The following HECTD4 variants were observed in gnomAD, a reference collection of about 807,000 sequenced individuals.
The protein encoded by HECTD4 is probable E3 ubiquitin-protein ligase HECTD4.
Under a neutral mutation model 471.5 loss-of-function variants are expected in HECTD4, and 114 were observed. The observed-to-expected ratio is 0.24, with a 90% CI of 0.21 to 0.28. The LOEUF (loss-of-function observed/expected upper bound fraction) is 0.28. HECTD4 is among the 10% of genes least tolerant of loss of function. The probability of loss-of-function intolerance (pLI) is 1.00; values close to 1 mark genes in which losing one functional copy is unlikely to be tolerated. For synonymous variants in HECTD4, 2,012 were observed against 2,256.0 expected (o/e 0.89, Z 3.07); for missense variants, 3,866 against 5,651.5 (o/e 0.68, Z 10.13).
intron 59 of HECTD4, 24 bp from the exon 60 acceptor site, chr12:112,190,989 A>G: frequency 1.3e-6 from 2 of 1,533,142 alleles, no homozygotes; most frequent in Non-Finnish European, 1.8e-6. Flanking sequence ...CCAGGAAGAA[A>G]GCAGATGATT....
chr12:112,197,050 C>A (rs1484361117), intron 55 of HECTD4, among the ~76,000 whole-genome samples: 1 of 152,140 alleles, frequency 6.6e-6, no homozygotes, highest in Admixed American at 6.5e-5. Context: ...CCCACCTCGG[C>A]CTCCCAAAGT....
chr12:112,356,607 T>A (rs1372026031), intron 1 of HECTD4, among the ~76,000 whole-genome samples: 1 of 152,016 alleles, frequency 6.6e-6, no homozygotes, highest in Non-Finnish European at 1.5e-5. Flanking sequence ...CCCAGCTAAT[T>A]TTTGTATTTT....
Position 112,167,451 on chromosome 12 carries a change from G to A in HECTD4, c.12400C>T (p.Arg4134Trp). ...TCCAGGGGCAGCGGGACGTCTGCCCGAATTGCAATCCCCAGCAGCTGCCCC... is the reference window on the plus strand; with the variant it reads ...TCCAGGGGCAGCGGGACGTCTGCCCAAATTGCAATCCCCAGCAGCTGCCCC... ...FLGQLLGIAI[R>W]ADVPLPLDLL... Residue 4134 changes from arginine (R) to tryptophan (W), a missense_variant, in exon 72 of 76, where the codon CGG becomes TGG. Physicochemically the swap from Arg to Trp is moderately radical, Grantham distance 101. Around this residue, in one of 16 missense-constraint regions of HECTD4, gnomAD observed 715 missense variants for 1,087.6 expected, o/e 0.66. Transcript: ENST00000682272. 6.2e-7 allele frequency: 1 copy of A among 1,613,440 alleles called. No individual in the cohort carries two copies. Among genetic ancestry groups the A allele is most frequent in the Non-Finnish European group, 8.5e-7 (1 of 1,179,672 alleles).
chr12:112,278,888 G>A (rs769475645), intron 9 of HECTD4, among the ~76,000 whole-genome samples: 7 of 152,000 alleles, frequency 4.6e-5, no homozygotes, highest in Admixed American at 6.6e-5. Context: ...GCAAGACTCC[G>A]TCTAAAAAAA....
intron 1 of HECTD4, among the ~76,000 whole-genome samples, chr12:112,346,806 C>T (rs546717995): frequency 6.6e-6 from 1 of 152,264 alleles, no homozygotes; most frequent in Non-Finnish European, 1.5e-5. Flanking sequence ...TTTGATTGCT[C>T]TCCTTTTTTA....
At chr12:112,334,810 C>CA (rs201647877) in intron 1 of HECTD4, among the ~76,000 whole-genome samples, 1,033 of 67,252 alleles carry the variant, frequency 0.015, 9 homozygotes, top group African/African-American at 0.04. Flanking sequence ...AACTCTATCT[C>CA]AAAAAAAAAA....
rs758979181 is a variant in HECTD4, at chr12:112,256,389, A to G, written c.3258T>C (p.His1086=). 15 of 1,612,990 alleles carry G rather than the reference A, an allele frequency of 9.3e-6. No individual in the cohort carries two copies. In the African/African-American group the frequency reaches 1.7e-4, roughly 19 times the overall value. The change falls in exon 21 of 76, where the codon CAT becomes CAC. Residue 1086 remains histidine, a synonymous_variant. Coordinates refer to ENST00000682272, the MANE Select transcript of HECTD4 (RefSeq NM_001388303.1). ...RDNYKFKETV[H]IPGARCLYLR... ...GGTACAGGCAGCGAGCTCCTGGGATATGGACCGTTTCTTTAAATTTATAGT... is the reference window on the plus strand; with the variant it reads ...GGTACAGGCAGCGAGCTCCTGGGATGTGGACCGTTTCTTTAAATTTATAGT...
At position 112,193,682 on chromosome 12, in the gene HECTD4, C is replaced by T. The variant is rs138993374; in HGVS notation, c.8750-8G>A. 5.2e-4 allele frequency: 838 copies of T among 1,607,026 alleles called. 9 individuals are homozygous for T. The East Asian group carries it at 0.014, about 28-fold the overall frequency. ...TGGAGCTGATGGTGCCGTCTGGGGACGGAAAGGAAACAGAAGTTGACAAGA... is the reference window on the plus strand; with the variant it reads ...TGGAGCTGATGGTGCCGTCTGGGGATGGAAAGGAAACAGAAGTTGACAAGA... On this transcript the variant is annotated splice_polypyrimidine_tract_variant and splice_region_variant and intron_variant, in intron 56 of 75. Coordinates refer to ENST00000682272, the MANE Select transcript of HECTD4 (RefSeq NM_001388303.1). This position sits in a 1 kb window ranked among gnomAD's most constrained non-coding sequence, Gnocchi z 5.2.
intron 17 of HECTD4, among the ~76,000 whole-genome samples, chr12:112,263,584 G>A (rs530179018): frequency 6.6e-6 from 1 of 151,920 alleles, no homozygotes; most frequent in African/African-American, 2.4e-5. Context: ...TTGACTATAG[G>A]TTTAGAAATT....
At chr12:112,309,000 A>G (rs2035324135) in intron 5 of HECTD4, 109 bp from the exon 6 acceptor site, 3 of 1,127,000 alleles carry the variant, frequency 2.7e-6, no homozygotes, top group Admixed American at 2.9e-5. Context: ...AAAAATGAGT[A>G]AGTATGTAAA....
At position 112,319,596 on chromosome 12, in the gene HECTD4, G is replaced by A; in HGVS notation, c.324C>T (p.Ala108=). 7.0e-7 allele frequency: 1 copy of A among 1,424,918 alleles called. No homozygotes were observed. The highest frequency in any genetic ancestry group is 1.4e-5 in the African/African-American group (1 of 69,692). The allele number at this position is 1,424,918 out of a possible 1,614,324, so 88.3% of individuals were successfully genotyped here. ...RGLWNAQRQL[A]LEEQHERESS... Reference sequence around the variant, plus strand: ...TTTCCCTTTCATGCTGTTCTTCTAAGGCCAGCTGGCGCTGGGCATTCCACA... The same window carrying A: ...TTTCCCTTTCATGCTGTTCTTCTAAAGCCAGCTGGCGCTGGGCATTCCACA... The change falls in exon 2 of 76, where the codon GCC becomes GCT. Residue 108 remains alanine (A), a synonymous_variant. Coordinates refer to ENST00000682272, the MANE Select transcript of HECTD4 (RefSeq NM_001388303.1). This position sits in a 1 kb window ranked among gnomAD's most constrained non-coding sequence, Gnocchi z 5.3.
At chr12:112,376,973 G>A (rs1039121278) in intron 1 of HECTD4, among the ~76,000 whole-genome samples, 5 of 152,100 alleles carry the variant, frequency 3.3e-5, no homozygotes, top group Non-Finnish European at 5.9e-5. Flanking sequence ...TTAGCCAGGC[G>A]TGGTGGTGCG....
chr12:112,337,692 C>T (rs1397606030), intron 1 of HECTD4, among the ~76,000 whole-genome samples: 1 of 152,066 alleles, frequency 6.6e-6, no homozygotes, highest in African/African-American at 2.4e-5. Context: ...TAACCAAATC[C>T]CTCAACTTCA....
intron 1 of HECTD4, among the ~76,000 whole-genome samples, chr12:112,380,789 A>G (rs2036872970): frequency 6.6e-6 from 1 of 152,214 alleles, no homozygotes. Context: ...AAGCACGTCC[A>G]AATGTCTCGG....
At chr12:112,338,610 A>T (rs1489389035) in intron 1 of HECTD4, among the ~76,000 whole-genome samples, 1 of 152,002 alleles carries the variant, frequency 6.6e-6, no homozygotes, top group South Asian at 2.1e-4. Context: ...ACAGAGTGAG[A>T]CTCTATCTCA....
Position 112,183,266 on chromosome 12 carries a change from T to A in HECTD4, c.10780A>T (p.Ile3594Leu), listed in dbSNP as rs2031742031. 1 of 1,612,528 alleles carries A rather than the reference T, an allele frequency of 6.2e-7. No homozygotes were observed. The highest frequency in any genetic ancestry group is 8.5e-7 in the Non-Finnish European group (1 of 1,179,136). Residue 3594 changes from isoleucine (I) to leucine (L), a missense_variant and splice_region_variant, in exon 62 of 76, where the codon ATA becomes TTA. Around this residue, in one of 16 missense-constraint regions of HECTD4, gnomAD observed 715 missense variants for 1,087.6 expected, o/e 0.66. Coordinates refer to ENST00000682272, the MANE Select transcript of HECTD4 (RefSeq NM_001388303.1). The stretch of plus-strand genomic sequence containing the variant: ...TTCTCAATTTTGGCTCGGGATCTTA[T>A]CTGTGTGAACAGAGAACAGGGTCAG... ...RPIKGFAVVEIRSRAKIEKIR... is the reference protein window; with the variant it reads ...RPIKGFAVVELRSRAKIEKIR...
At chr12:112,219,722 C>G (rs1046321357) in intron 44 of HECTD4, 1 of 323,738 alleles carries the variant, frequency 3.1e-6, no homozygotes, top group East Asian at 5.6e-5. Context: ...GCCTTAGCCT[C>G]CCAAGTAGCT....
intron 1 of HECTD4, among the ~76,000 whole-genome samples, chr12:112,338,899 G>A (rs184760732): frequency 1.0e-3 from 155 of 152,230 alleles, no homozygotes; most frequent in African/African-American, 3.5e-3. Flanking sequence ...ACTCACCAGT[G>A]AGGACAGCAC....
rs1308978841 is a variant in HECTD4 at position 112,228,894 on chromosome 12, T to G, written c.6520-83A>C. On this transcript the variant is annotated intron_variant, in intron 41 of 75. Transcript: ENST00000682272. The surrounding 1 kb of genome is among the most constrained non-coding windows in gnomAD (Gnocchi z 4.9). ...TACGAGACAAGAGGAAAAAGTAAAT[T>G]TATAGTTGTCATTGTTGGCGTTACA... The G allele has an allele frequency of 1.5e-6, 2 of 1,324,732 alleles. No homozygotes were observed. The highest frequency in any genetic ancestry group is 2.1e-6 in the Non-Finnish European group (2 of 939,226). The allele number at this position is 1,324,732 out of a possible 1,614,324, so 82.1% of individuals were successfully genotyped here.
Sources: gnomAD v4.1 joint callset for allele counts (sites outside exome capture counted in the v4.1 genomes callset) on GRCh38, gnomAD v4.1.1 for gene constraint, gnomAD v4.1.1 regional missense constraint, Gnocchi (gnomAD v3.1) non-coding constraint, MANE v1.5 for transcripts, NCBI Gene and HGNC (gene_info 2026-07-23, HGNC 2026-07-21) for gene names.